Variants in CDH13 observed in about 807,000 individuals in gnomAD.
The protein encoded by CDH13 is cadherin-13.
Under a neutral mutation model 63.8 loss-of-function variants are expected in CDH13, and 24 were observed. That is an observed-to-expected ratio of 0.38 (90% CI 0.27 to 0.53). The LOEUF is 0.53. Among genes scored for constraint, CDH13 ranks in the 20% least tolerant of loss-of-function variants. The probability of loss-of-function intolerance (pLI) is 0.85; values close to 1 mark genes in which losing one functional copy is unlikely to be tolerated. For synonymous variants in CDH13, 503 were observed against 355.3 expected, an observed-to-expected ratio of 1.42 and a Z score of -4.67; for missense variants, 1,049 against 903.1, an observed-to-expected ratio of 1.16 and a Z score of -2.07.
At chr16:82,744,480 G>C (rs2034071178) in intron 1 of CDH13, among the ~76,000 whole-genome samples, 1 of 152,026 alleles carries the variant, frequency 6.6e-6, no homozygotes, top group Admixed American at 6.5e-5. Context: ...GAACCCAATT[G>C]GTCCAGTTAA....
chr16:83,470,880 C>T (rs1249842440), intron 6 of CDH13, among the ~76,000 whole-genome samples: 1 of 152,112 alleles, frequency 6.6e-6, no homozygotes, highest in Non-Finnish European at 1.5e-5. Flanking sequence ...CAAAATCGGT[C>T]TCATTGGGTT....
At chr16:83,041,633 C>T (rs1469508301) in intron 3 of CDH13, among the ~76,000 whole-genome samples, 2 of 152,066 alleles carry the variant, frequency 1.3e-5, no homozygotes, top group African/African-American at 2.4e-5. Context: ...CTAATTGCCC[C>T]CTGTTTCTAC....
chr16:83,249,147 T>C (rs899020845), intron 5 of CDH13, among the ~76,000 whole-genome samples: 5 of 152,182 alleles, frequency 3.3e-5, no homozygotes, highest in Non-Finnish European at 5.9e-5. Context: ...CCTGAGTGAG[T>C]CCCTTTTGCA....
intron 1 of CDH13, among the ~76,000 whole-genome samples, chr16:82,638,255 G>T (rs1908930098): frequency 6.6e-6 from 1 of 151,830 alleles, no homozygotes; most frequent in African/African-American, 2.4e-5. Context: ...AGAGCCTGGG[G>T]CTGGCCTGGA....
At chr16:83,719,700 G>A (rs1380965256) in intron 10 of CDH13, among the ~76,000 whole-genome samples, 2 of 152,166 alleles carry the variant, frequency 1.3e-5, no homozygotes, top group Non-Finnish European at 2.9e-5. Context: ...AGGTGAGGAG[G>A]CTGTGGCATA....
chr16:83,656,028 G>T (rs906746327), intron 8 of CDH13, among the ~76,000 whole-genome samples: 1 of 152,104 alleles, frequency 6.6e-6, no homozygotes, highest in Non-Finnish European at 1.5e-5. Context: ...ACTATCTAAG[G>T]CTGGAACTTT....
intron 8 of CDH13, among the ~76,000 whole-genome samples, chr16:83,613,602 G>C (rs141794050): frequency 6.6e-6 from 1 of 152,116 alleles, no homozygotes; most frequent in African/African-American, 2.4e-5. Context: ...GGAGACCGGT[G>C]GGCAGATCAC....
At chr16:83,591,880 C>T (rs1906789808) in intron 7 of CDH13, among the ~76,000 whole-genome samples, 1 of 152,202 alleles carries the variant, frequency 6.6e-6, no homozygotes, top group Admixed American at 6.5e-5. Context: ...CCTTCTTATT[C>T]AATGACTACT....
At chr16:83,052,049 A>G (rs752475153) in intron 3 of CDH13, among the ~76,000 whole-genome samples, 3 of 152,228 alleles carry the variant, frequency 2.0e-5, no homozygotes, top group African/African-American at 7.2e-5. Flanking sequence ...AATTAGAAGC[A>G]TGAATAATTG....
chr16:83,490,334 C>T (rs2073985468), intron 7 of CDH13, among the ~76,000 whole-genome samples: 1 of 152,196 alleles, frequency 6.6e-6, no homozygotes, highest in Non-Finnish European at 1.5e-5. Context: ...CCTACCTAAT[C>T]ATCTTCCCTG....
At chr16:83,468,958 C>T (rs567706113) in intron 6 of CDH13, among the ~76,000 whole-genome samples, 1 of 152,280 alleles carries the variant, frequency 6.6e-6, no homozygotes, top group African/African-American at 2.4e-5. Flanking sequence ...CCGTGGGTTT[C>T]TGATTGCCCA....
At chr16:82,694,215 T>C (rs2029979230) in intron 1 of CDH13, among the ~76,000 whole-genome samples, 1 of 152,126 alleles carries the variant, frequency 6.6e-6, no homozygotes, top group Admixed American at 6.5e-5. Flanking sequence ...TATAGAAGAG[T>C]ATCCATAGGA....
intron 5 of CDH13, among the ~76,000 whole-genome samples, chr16:83,228,223 A>G (rs769272097): frequency 1.4e-4 from 21 of 152,136 alleles, no homozygotes; most frequent in Non-Finnish European, 2.4e-4. Flanking sequence ...AGTTGTCACA[A>G]CTGGGGCTGT....
intron 7 of CDH13, among the ~76,000 whole-genome samples, chr16:83,531,884 TTA>T (rs1400264977): frequency 6.6e-6 from 1 of 152,180 alleles, no homozygotes; most frequent in East Asian, 1.9e-4. Flanking sequence ...TGGTAATTTG[TTA>T]GGGCAGTCAC....
chr16:83,103,811 A>C (rs974870972), intron 3 of CDH13, among the ~76,000 whole-genome samples: 14 of 152,332 alleles, frequency 9.2e-5, no homozygotes, highest in African/African-American at 3.4e-4. Flanking sequence ...TGCTCAAAAA[A>C]TGCACACAGT....
intron 1 of CDH13, among the ~76,000 whole-genome samples, chr16:82,835,681 C>A (rs1481571241): frequency 6.6e-6 from 1 of 152,186 alleles, no homozygotes; most frequent in Non-Finnish European, 1.5e-5. Flanking sequence ...TCAGCGGCCT[C>A]CCTGCTCCTG....
intron 11 of CDH13, among the ~76,000 whole-genome samples, chr16:83,752,235 T>G (rs1252533572): frequency 6.6e-6 from 1 of 152,226 alleles, no homozygotes; most frequent in Non-Finnish European, 1.5e-5. Flanking sequence ...TTTGTGAAAT[T>G]TTTTGTGCAA....
At chr16:82,738,154 T>A (rs866935911) in intron 1 of CDH13, among the ~76,000 whole-genome samples, 1 of 152,134 alleles carries the variant, frequency 6.6e-6, no homozygotes, top group Non-Finnish European at 1.5e-5. Context: ...GGGCTAAGAG[T>A]TAGTCTGCTC....
intron 3 of CDH13, among the ~76,000 whole-genome samples, chr16:83,113,133 G>T (rs1298161150): frequency 6.6e-6 from 1 of 152,196 alleles, no homozygotes; most frequent in Admixed American, 6.5e-5. Flanking sequence ...GACACCTGCG[G>T]TAGATTCTGG....
Sources: allele counts gnomAD v4.1 joint callset (sites outside exome capture counted in the v4.1 genomes callset), GRCh38; gene constraint gnomAD v4.1.1; transcripts MANE v1.5; gene names NCBI Gene and HGNC (gene_info 2026-07-23, HGNC 2026-07-21).